Variants in NCALD observed in about 807,000 individuals in gnomAD.
NCALD encodes the protein neurocalcin delta.
In NCALD, 10 loss-of-function variants were observed where a neutral mutation model predicts 18.6. The observed-to-expected ratio is 0.54, with a 90% CI of 0.33 to 0.91. The LOEUF (loss-of-function observed/expected upper bound fraction) is 0.91. NCALD is among the 40% of genes least tolerant of loss of function. The probability of loss-of-function intolerance (pLI) is 0.03; values close to 1 mark genes in which losing one functional copy is unlikely to be tolerated. For missense variants in NCALD, 184 were observed against 247.6 expected (o/e 0.74, Z 1.72); for synonymous variants, 88 against 87.4 (o/e 1.01, Z -0.04).
chr8:101,694,932 CTT>C (rs989835643), intron 2 of NCALD, among the ~76,000 whole-genome samples: 2 of 152,270 alleles, frequency 1.3e-5, no homozygotes, highest in African/African-American at 4.8e-5. Context: ...CAGCAGGTGT[CTT>C]TTCACACCAG....
At chr8:102,083,189 C>T (rs1283252038) in intron 1 of NCALD, among the ~76,000 whole-genome samples, 1 of 152,194 alleles carries the variant, frequency 6.6e-6, no homozygotes, top group Non-Finnish European at 1.5e-5. Context: ...TGGTAACTGG[C>T]TCCATAACTT....
intron 2 of NCALD, among the ~76,000 whole-genome samples, chr8:102,012,961 A>G (rs1278678645): frequency 6.6e-6 from 1 of 152,196 alleles, no homozygotes; most frequent in Non-Finnish European, 1.5e-5. Context: ...TATAACAATC[A>G]GATATTTTTA....
At chr8:101,997,565 AAAATC>A (rs1821283240) in intron 2 of NCALD, among the ~76,000 whole-genome samples, 1 of 152,212 alleles carries the variant, frequency 6.6e-6, no homozygotes, top group Non-Finnish European at 1.5e-5. Context: ...CCGGAAAAGG[AAAATC>A]AAACACAAAT....
At chr8:101,841,711 G>C (rs1340523711) in intron 4 of NCALD, among the ~76,000 whole-genome samples, 3 of 152,164 alleles carry the variant, frequency 2.0e-5, no homozygotes, top group Non-Finnish European at 2.9e-5. Context: ...TCCAGCCAAA[G>C]AGGGTGAATC....
At chr8:101,890,913 A>C (rs1586701239) in intron 3 of NCALD, among the ~76,000 whole-genome samples, 1 of 152,252 alleles carries the variant, frequency 6.6e-6, no homozygotes, top group African/African-American at 2.4e-5. Context: ...TCAACAAGAG[A>C]ACAAGGAAAT....
intron 2 of NCALD, among the ~76,000 whole-genome samples, chr8:101,923,454 T>C (rs569288452): frequency 1.3e-5 from 2 of 152,330 alleles, no homozygotes; most frequent in East Asian, 3.9e-4. Flanking sequence ...TCACTCACTA[T>C]CACTAGCTCT....
chr8:101,798,975 T>C (rs951074810), intron 4 of NCALD, among the ~76,000 whole-genome samples: 1 of 152,184 alleles, frequency 6.6e-6, no homozygotes, highest in Non-Finnish European at 1.5e-5. Context: ...AAGTAATTGA[T>C]AATATAGACA....
At chr8:102,089,260 G>A (rs681066) in intron 1 of NCALD, among the ~76,000 whole-genome samples, 33,828 of 151,944 alleles carry the variant, frequency 0.22, 4,488 homozygotes, top group East Asian at 0.42. Context: ...CAGGCATGGC[G>A]GCAGGCACCT....
intron 1 of NCALD, among the ~76,000 whole-genome samples, chr8:102,081,562 A>ACAAAACAAAAC (rs773444402): frequency 5.6e-4 from 80 of 143,298 alleles, no homozygotes; most frequent in African/African-American, 1.6e-3. Context: ...AAAAAAAAAA[A>ACAAAACAAAAC]AAAAAAAAAA....
chr8:102,048,200 C>T (rs7001888), intron 1 of NCALD, among the ~76,000 whole-genome samples: 58,475 of 151,770 alleles, frequency 0.39, 11,569 homozygotes, highest in African/African-American at 0.44. Context: ...ATCAATCAAA[C>T]TGGTGTGGAG....
chr8:101,733,474 T>G (rs1243306317), intron 1 of NCALD, among the ~76,000 whole-genome samples: 6 of 152,198 alleles, frequency 3.9e-5, no homozygotes, highest in Non-Finnish European at 8.8e-5. Flanking sequence ...AGGGCTGTTT[T>G]GGAGGACCAA....
At chr8:101,910,438 G>GTTGGGAA (rs1200249409) in intron 3 of NCALD, among the ~76,000 whole-genome samples, 143 of 140,274 alleles carry the variant, frequency 1.0e-3, no homozygotes, top group African/African-American at 3.8e-3. Flanking sequence ...CCCAAGAATA[G>GTTGGGAA]TACCAAATAA....
intron 4 of NCALD, among the ~76,000 whole-genome samples, chr8:101,867,969 T>G (rs1298986538): frequency 1.3e-5 from 2 of 152,112 alleles, no homozygotes; most frequent in Non-Finnish European, 2.9e-5. Flanking sequence ...CCGCCAACCT[T>G]TTTTTTGGCT....
At chr8:102,086,056 CCATGTTTAAAA>C (rs1413791126) in intron 1 of NCALD, among the ~76,000 whole-genome samples, 3 of 151,936 alleles carry the variant, frequency 2.0e-5, no homozygotes, top group African/African-American at 7.3e-5. Context: ...CATTTGGGTA[CCATGTTTAAAA>C]CATGTTTAAA....
At chr8:101,914,574 C>A (rs1817914253) in intron 3 of NCALD, among the ~76,000 whole-genome samples, 1 of 152,174 alleles carries the variant, frequency 6.6e-6, no homozygotes, top group Non-Finnish European at 1.5e-5. Flanking sequence ...ATTTGGAATT[C>A]TTCTACATTC....
At chr8:101,795,333 A>C (rs1192853866), upstream of NCALD, among the ~76,000 whole-genome samples, 1 of 152,222 alleles carries the variant, frequency 6.6e-6, no homozygotes, top group African/African-American at 2.4e-5. Context: ...TTGGACTGCT[A>C]TAACAAAATA....
intron 1 of NCALD, among the ~76,000 whole-genome samples, chr8:102,021,319 C>T (rs1016382614): frequency 3.9e-5 from 6 of 152,084 alleles, no homozygotes; most frequent in African/African-American, 1.4e-4. Context: ...AAGCTTCCTA[C>T]CATATTTCAT....
chr8:101,964,039 C>A (rs115555056), intron 2 of NCALD, among the ~76,000 whole-genome samples: 2 of 152,134 alleles, frequency 1.3e-5, no homozygotes, highest in Non-Finnish European at 1.5e-5. Context: ...ATATGCCTTT[C>A]TTTAATTTCC....
At chr8:101,919,950 C>T (rs1056410611) in intron 2 of NCALD, among the ~76,000 whole-genome samples, 2 of 152,246 alleles carry the variant, frequency 1.3e-5, no homozygotes, top group East Asian at 3.9e-4. Context: ...TAGATTAGTT[C>T]AACCCCCATA....
Sources: allele counts gnomAD v4.1 joint callset (sites outside exome capture counted in the v4.1 genomes callset), GRCh38; gene constraint gnomAD v4.1.1; transcripts MANE v1.5; gene names NCBI Gene and HGNC (gene_info 2026-07-23, HGNC 2026-07-21).